EXTL2: variants seen among roughly 807,000 people sequenced by gnomAD.
EXTL2 encodes the protein exostosin-like 2.
EXTL2 carries 23 observed loss-of-function variants against 30.7 expected under a neutral mutation model. That is an observed-to-expected ratio of 0.75 (90% CI 0.54 to 1.06). The LOEUF (loss-of-function observed/expected upper bound fraction) is 1.06. Among genes scored for constraint, EXTL2 ranks in the 50% least tolerant of loss-of-function variants. The probability of loss-of-function intolerance (pLI) is 0.00; values close to 1 mark genes in which losing one functional copy is unlikely to be tolerated. For synonymous variants in EXTL2, 123 were observed against 133.8 expected (o/e 0.92, Z 0.56); for missense variants, 352 against 396.3 (o/e 0.89, Z 0.95).
intron 1 of EXTL2, among the ~76,000 whole-genome samples, chr1:100,892,604 G>A (rs79949328): frequency 6.6e-6 from 1 of 152,012 alleles, no homozygotes; most frequent in South Asian, 2.1e-4. Flanking sequence ...TTTCATATAC[G>A]CATCTATCCT....
rs373517839 is a variant in EXTL2, at chr1:100,877,954, C to T, written c.6-51G>A. 8.2e-5 allele frequency: 113 copies of T among 1,383,884 alleles called. No individual in the cohort carries two copies. In the African/African-American group the frequency reaches 1.5e-3, roughly 18 times the overall value. 85.7% of individuals were successfully genotyped at this position (1,383,884 alleles called of 1,614,324 possible). On this transcript the variant is annotated intron_variant, in intron 2 of 4. Transcript: ENST00000370114. The surrounding 1 kb of genome is among the most constrained non-coding windows in gnomAD (Gnocchi z 4.1). ...CAAATGTTAGCATTCTTACGAGTCC[C>T]TGTGTTTTCATGTTTTTTTCCAATG...
chr1:100,876,674 T>A, intron 4 of EXTL2, 120 bp downstream of exon 4: 2 of 617,048 alleles, frequency 3.2e-6, no homozygotes, highest in Middle Eastern at 2.8e-4. Flanking sequence ...AATTCATCCA[T>A]CTTTTAGATA....
chr1:100,883,257 G>A (rs1649708570), intron 2 of EXTL2, among the ~76,000 whole-genome samples: 1 of 152,132 alleles, frequency 6.6e-6, no homozygotes, highest in Admixed American at 6.5e-5. Context: ...CCCATTTAAA[G>A]TATACAGTTC....
chr1:100,888,624 C>A lies in EXTL2; in HGVS notation c.5+129G>T, dbSNP rs189322044. The A allele has an allele frequency of 2.1e-4, 91 of 430,402 alleles. 1 individual carries two copies. Among genetic ancestry groups the A allele is most frequent in the East Asian group, 2.1e-3 (60 of 28,868 alleles). The allele number at this position is 430,402 out of a possible 1,614,324, so 26.7% of individuals were successfully genotyped here. A position where few individuals can be genotyped will look rare whatever the true frequency, so the allele number is the denominator to read the frequency against. On this transcript the variant is annotated intron_variant, in intron 2 of 4. Transcript: ENST00000370114. ...TGCAAGATGAAAAAGTTCCAGAGATCGGCCGCACAACAATGTGAAAACAGT... is the reference window on the plus strand; with the variant it reads ...TGCAAGATGAAAAAGTTCCAGAGATAGGCCGCACAACAATGTGAAAACAGT...
intron 2 of EXTL2, among the ~76,000 whole-genome samples, chr1:100,879,068 TG>T (rs1231446166): frequency 3.3e-5 from 5 of 152,168 alleles, no homozygotes; most frequent in African/African-American, 9.6e-5. Context: ...CAAAAAATTT[TG>T]TGTAATCAAA....
chr1:100,873,592 CCT>C lies in EXTL2; in HGVS notation c.*348_*349del. The stretch of plus-strand genomic sequence containing the variant: ...CCTTTAGTGAAAAAGCAGAGAAATG[CCT>C]CTCTTGAGTTTCTGATCCTAGAAAC... On this transcript the variant is annotated 3_prime_UTR_variant, in exon 5 of 5. Transcript: ENST00000370114. 1 of 173,158 alleles carries C rather than the reference CCT, an allele frequency of 5.8e-6. No individual in the cohort carries two copies. Among genetic ancestry groups the C allele is most frequent in the South Asian group, 1.7e-4 (1 of 5,814 alleles). 10.7% of individuals were successfully genotyped at this position (173,158 alleles called of 1,614,324 possible).
intron 2 of EXTL2, among the ~76,000 whole-genome samples, chr1:100,886,746 A>G (rs560515892): frequency 6.6e-6 from 1 of 152,318 alleles, no homozygotes; most frequent in Admixed American, 6.5e-5. Context: ...TCTGCTCCTG[A>G]GGTAGACAAT....
intron 1 of EXTL2, among the ~76,000 whole-genome samples, chr1:100,889,778 G>A (rs1272817433): frequency 6.6e-6 from 1 of 152,246 alleles, no homozygotes; most frequent in Non-Finnish European, 1.5e-5. Flanking sequence ...TCTAGAACAT[G>A]TTGATGCAAG....
rs754761010 is a variant in EXTL2 at position 100,889,434 on chromosome 1, G to A, written c.-71-606C>T. Reference sequence around the variant, plus strand: ...CAGCCAAACCATATCATTCTACCCCGGCCCCTCCTAAATTTCATTTCAAAA... The same window carrying A: ...CAGCCAAACCATATCATTCTACCCCAGCCCCTCCTAAATTTCATTTCAAAA... On this transcript the variant is annotated intron_variant, in intron 1 of 4. Transcript: ENST00000370114. 5.3e-5 allele frequency among the ~76,000 whole-genome samples: 8 copies of A among 152,156 alleles called. No homozygotes were observed. The East Asian group carries it at 9.7e-4, about 18-fold the overall frequency.
chr1:100,886,281 C>A (rs569054866), intron 2 of EXTL2, among the ~76,000 whole-genome samples: 2 of 152,336 alleles, frequency 1.3e-5, no homozygotes, highest in South Asian at 4.1e-4. Flanking sequence ...GCTACACAAA[C>A]TTCAGTATCA....
intron 1 of EXTL2, among the ~76,000 whole-genome samples, chr1:100,891,149 T>A (rs530448329): frequency 1.3e-5 from 2 of 152,342 alleles, no homozygotes; most frequent in Admixed American, 1.3e-4. Context: ...TATCTATATT[T>A]CCCCTCTTTT....
chr1:100,877,590 G>T lies in EXTL2; in HGVS notation c.319C>A (p.Pro107Thr), dbSNP rs767709036. ...CCTAGAGAATTCCATAATTCATCTG[G>T]TGCCTTCTCTCCAATATTGTTCCAT... ...VVWNNIGEKA[P>T]DELWNSLGPH... The change falls in exon 3 of 5, where the codon CCA becomes ACA. Residue 107 changes from proline to threonine, a missense_variant. Pro to Thr is a conservative substitution (Grantham distance 38). Transcript: ENST00000370114. The surrounding 1 kb of genome is among the most constrained non-coding windows in gnomAD (Gnocchi z 4.1). The T allele has an allele frequency of 1.2e-6, 2 of 1,613,464 alleles. No homozygotes were observed. The highest frequency in any genetic ancestry group is 1.7e-6 in the Non-Finnish European group (2 of 1,179,612).
At chr1:100,893,620 A>G (rs1650601960) in intron 1 of EXTL2, among the ~76,000 whole-genome samples, 1 of 152,250 alleles carries the variant, frequency 6.6e-6, no homozygotes, top group African/African-American at 2.4e-5. Flanking sequence ...CAAATTTGAT[A>G]TGACAACAAA....
intron 1 of EXTL2, among the ~76,000 whole-genome samples, chr1:100,893,592 T>C (rs895440470): frequency 1.3e-5 from 2 of 152,342 alleles, no homozygotes; most frequent in Admixed American, 6.5e-5. Flanking sequence ...TAAATGACTG[T>C]TGAATGAATG....
intron 1 of EXTL2, among the ~76,000 whole-genome samples, chr1:100,890,269 G>T (rs1650317559): frequency 6.6e-6 from 1 of 152,200 alleles, no homozygotes; most frequent in South Asian, 2.1e-4. Flanking sequence ...TGGCTGAGAT[G>T]CAGGGCACCA....
chr1:100,892,405 C>G (rs1650501310), intron 1 of EXTL2, among the ~76,000 whole-genome samples: 1 of 152,180 alleles, frequency 6.6e-6, no homozygotes, highest in South Asian at 2.1e-4. Context: ...TAGACTTACA[C>G]CAGTGGTTTG....
At chr1:100,885,996 A>G (rs914762626) in intron 2 of EXTL2, 1 of 152,244 alleles carries the variant, frequency 6.6e-6, no homozygotes, top group Admixed American at 6.5e-5. Context: ...TATAATAATA[A>G]AAGAGTCCAT....
chr1:100,878,251 C>T (rs1329217558), intron 2 of EXTL2: 7 of 313,284 alleles, frequency 2.2e-5, no homozygotes, highest in African/African-American at 6.6e-5. Flanking sequence ...ATATTAATTT[C>T]GAATCTACAC....
At position 100,893,633 on chromosome 1, in the gene EXTL2, T is replaced by C. The variant is rs1471957601; in HGVS notation, c.-72+1000A>G. Among the ~76,000 whole-genome samples the C allele has an allele frequency of 8.5e-5, 13 of 152,184 alleles. No individual in the cohort carries two copies. In the East Asian group the frequency reaches 2.5e-3, roughly 29 times the overall value. On this transcript the variant is annotated intron_variant, in intron 1 of 4. Transcript: ENST00000370114. ...AACAAATTTGATATGACAACAAAGA[T>C]AGGTTAACATATATGGGACAAACAT...
Sources: allele counts gnomAD v4.1 joint callset (sites outside exome capture counted in the v4.1 genomes callset), GRCh38; gene constraint gnomAD v4.1.1; non-coding constraint Gnocchi (gnomAD v3.1); transcripts MANE v1.5; gene names NCBI Gene and HGNC (gene_info 2026-07-23, HGNC 2026-07-21).